KIF22: variants seen among roughly 807,000 people sequenced by gnomAD.
The protein encoded by KIF22 is kinesin family member 22.
KIF22 carries 62 observed loss-of-function variants against 73.0 expected under a neutral mutation model. That is an observed-to-expected ratio of 0.85 (90% confidence interval 0.69 to 1.05). KIF22 has a LOEUF of 1.05. KIF22 is among the 50% of genes least tolerant of loss of function. The pLI is 0.00. For missense variants in KIF22, 854 were observed against 870.1 expected, an observed-to-expected ratio of 0.98 and a Z score of 0.23; for synonymous variants, 411 against 340.1, an observed-to-expected ratio of 1.21 and a Z score of -2.29.
chr16:29,805,253 T>C lies in KIF22; in HGVS notation c.1951-10T>C, dbSNP rs1429400372. 1.9e-6 allele frequency: 3 copies of C among 1,595,312 alleles called. No homozygotes were observed. The highest frequency in any genetic ancestry group is 2.5e-6 in the Non-Finnish European group (3 of 1,179,816). The stretch of plus-strand genomic sequence containing the variant: ...CTAACGTCGCTGTCTCCCTCCCTCC[T>C]GTGTTGCAGGCAAACATCCTGGGTC... On this transcript the variant is annotated splice_polypyrimidine_tract_variant and intron_variant, in intron 13 of 13. Transcript: ENST00000160827.
chr16:29,801,312 T>G (rs1026702901), intron 8 of KIF22, among the ~76,000 whole-genome samples: 1 of 152,152 alleles, frequency 6.6e-6, no homozygotes, highest in Non-Finnish European at 1.5e-5. Context: ...CAGGAGCCAG[T>G]TGCAGTTTTA....
At chr16:29,796,359 T>C (rs1219326178) in intron 1 of KIF22, among the ~76,000 whole-genome samples, 1 of 151,398 alleles carries the variant, frequency 6.6e-6, no homozygotes, top group Non-Finnish European at 1.5e-5. Context: ...TGTCAACCCT[T>C]TTAATCCTTA....
chr16:29,802,674 G>GAT (rs1899182263), intron 8 of KIF22, 95 bp from the exon 9 acceptor site: 1 of 1,195,372 alleles, frequency 8.4e-7, no homozygotes, highest in Admixed American at 2.8e-5. Context: ...GGAGCTACAG[G>GAT]ATATACCAAG....
intron 8 of KIF22, among the ~76,000 whole-genome samples, chr16:29,800,763 C>T (rs1899110266): frequency 6.6e-6 from 1 of 152,188 alleles, no homozygotes; most frequent in Non-Finnish European, 1.5e-5. Context: ...AAGACTGCAT[C>T]TCAATAAATA....
Position 29,790,805 on chromosome 16 carries a change from G to GA in KIF22, c.46_47insA (p.Ala16AspfsTer47). The GA allele has an allele frequency of 6.2e-7, 1 of 1,604,638 alleles. No homozygotes were observed. The highest frequency in any genetic ancestry group is 8.5e-7 in the Non-Finnish European group (1 of 1,175,752). ...GCAGCAGAGGCGACGCGAGATGGCG[G>GA]CAGCTTCAGCGGCGGCGATCTCAGG... On this transcript the variant is annotated frameshift_variant, in exon 1 of 14. Transcript: ENST00000160827. LOFTEE classifies it high-confidence loss of function.
chr16:29,799,827 T>G, intron 7 of KIF22, 46 bp downstream of exon 7: 1 of 1,612,978 alleles, frequency 6.2e-7, no homozygotes, highest in Non-Finnish European at 8.5e-7. Context: ...GTCTGGAAAT[T>G]AGGGAGTTTG....
At position 29,802,956 on chromosome 16, in the gene KIF22, T is replaced by C. The variant is rs764188334; in HGVS notation, c.1449+19T>C. 2.0e-5 allele frequency: 32 copies of C among 1,608,954 alleles called. 1 individual carries two copies. Among genetic ancestry groups the C allele is most frequent in the Non-Finnish European group, 2.6e-5 (31 of 1,177,164 alleles). On this transcript the variant is annotated intron_variant, in intron 9 of 13. Coordinates refer to ENST00000160827, the MANE Select transcript of KIF22 (RefSeq NM_007317.3). ...GATTGAGGTACGTGTTTTAGGGATG[T>C]GGGAGCTGGATTCCTATTGGCCTTG...
chr16:29,802,438 G>C lies in KIF22; in HGVS notation c.1281-331G>C, dbSNP rs141714487. The stretch of plus-strand genomic sequence containing the variant: ...GATGGCATCCTCTGTGATGTTTTCC[G>C]CAACTGCTCCTCCAAATGGATAGGC... On this transcript the variant is annotated intron_variant, in intron 8 of 13. Transcript: ENST00000160827. 1.7e-3 allele frequency among the ~76,000 whole-genome samples: 262 copies of C among 152,144 alleles called. 1 individual carries two copies. Among genetic ancestry groups the C allele is most frequent in the African/African-American group, 6.1e-3 (252 of 41,488 alleles).
intron 8 of KIF22, among the ~76,000 whole-genome samples, chr16:29,800,502 C>T (rs1284282869): frequency 1.3e-5 from 2 of 151,364 alleles, no homozygotes; most frequent in African/African-American, 2.4e-5. Flanking sequence ...CGGTGGCTCA[C>T]GCCTGTAATC....
chr16:29,797,175 G>C lies in KIF22; in HGVS notation c.266+87G>C. ...GTTCCCCTGCCTCCCCAGGATCCTT[G>C]CTCCCTCCTTAGCACCGCTTTGTTC... On this transcript the variant is annotated intron_variant, in intron 2 of 13. Coordinates refer to ENST00000160827, the MANE Select transcript of KIF22 (RefSeq NM_007317.3). The surrounding 1 kb of genome is among the most constrained non-coding windows in gnomAD (Gnocchi z 4.1). 3.0e-6 allele frequency: 3 copies of C among 1,003,356 alleles called. 1 individual carries two copies. The highest frequency in any genetic ancestry group is 3.2e-5 in the South Asian group (2 of 62,798). The allele number at this position is 1,003,356 out of a possible 1,614,324, so 62.2% of individuals were successfully genotyped here. A position where few individuals can be genotyped will look rare whatever the true frequency, so the allele number is the denominator to read the frequency against.
Position 29,805,041 on chromosome 16 carries a change from G to A in KIF22, c.1890+15G>A, listed in dbSNP as rs1365636972. 2 of 1,555,890 alleles carry A rather than the reference G, an allele frequency of 1.3e-6. No individual in the cohort carries two copies. Among genetic ancestry groups the A allele is most frequent in the Admixed American group, 3.3e-5 (2 of 59,828 alleles). The stretch of plus-strand genomic sequence containing the variant: ...CCTTCAGCCAGGTAGCAGCCCACTG[G>A]ACTGGGGGAGGGCGGGGGCGGGGGA... On this transcript the variant is annotated intron_variant, in intron 12 of 13. Coordinates refer to ENST00000160827, the MANE Select transcript of KIF22 (RefSeq NM_007317.3).
At position 29,804,343 on chromosome 16, in the gene KIF22, G is replaced by C. The variant is rs530882030; in HGVS notation, c.1677+278G>C. Reference sequence around the variant, plus strand: ...ACAAGCTTAAGAGGGAAAACTTAGGGAACTATGACCTAAGCAGTCAAGCAA... The same window carrying C: ...ACAAGCTTAAGAGGGAAAACTTAGGCAACTATGACCTAAGCAGTCAAGCAA... On this transcript the variant is annotated intron_variant, in intron 11 of 13. Coordinates refer to ENST00000160827, the MANE Select transcript of KIF22 (RefSeq NM_007317.3). The C allele has an allele frequency of 1.0e-5, 6 of 601,316 alleles. No individual in the cohort carries two copies. The East Asian group carries it at 1.6e-4, about 17-fold the overall frequency. 37.2% of individuals were successfully genotyped at this position (601,316 alleles called of 1,614,324 possible).
Position 29,802,875 on chromosome 16 carries a change from AC to A in KIF22, c.1391del (p.Pro464GlnfsTer8). ...QGSQGAPLLS[T>X]PKRERMVLMK... ...GAGCCAGGGGGCCCCTCTGTTGAGTACCCCAAAGCGAGAGCGGATGGTGCTA... is the reference window on the plus strand; with the variant it reads ...GAGCCAGGGGGCCCCTCTGTTGAGTACCCAAAGCGAGAGCGGATGGTGCTA... On this transcript the variant is annotated frameshift_variant, in exon 9 of 14. Transcript: ENST00000160827. LOFTEE classifies it high-confidence loss of function. 1.9e-6 allele frequency: 3 copies of A among 1,612,024 alleles called. No individual in the cohort carries two copies. The highest frequency in any genetic ancestry group is 2.5e-6 in the Non-Finnish European group (3 of 1,179,282).
rs1238699070 is a variant in KIF22, at chr16:29,797,847, C to T, written c.267-527C>T. 2.0e-5 allele frequency among the ~76,000 whole-genome samples: 3 copies of T among 152,188 alleles called. No individual in the cohort carries two copies. The highest frequency in any genetic ancestry group is 4.4e-5 in the Non-Finnish European group (3 of 68,044). On this transcript the variant is annotated intron_variant, in intron 2 of 13. Transcript: ENST00000160827. This position sits in a 1 kb window ranked among gnomAD's most constrained non-coding sequence, Gnocchi z 4.1. ...CCTAAGCTGCACTTCTCCACCAGAA[C>T]GCAGTGGATAGGTGATTGGTATGTA... is the stretch of plus-strand genomic sequence containing the variant.
chr16:29,804,496 C>T (rs1183465522), intron 11 of KIF22: 2 of 651,338 alleles, frequency 3.1e-6, no homozygotes, highest in East Asian at 3.0e-5. Context: ...ACAGCTTATT[C>T]TTTCCCTTTT....
At chr16:29,805,070 C>T in intron 12 of KIF22, 44 bp downstream of exon 12, 1 of 1,610,230 alleles carries the variant, frequency 6.2e-7, no homozygotes, top group Non-Finnish European at 8.5e-7. Context: ...CGGGGGAGAC[C>T]GGGTACCCCC....
chr16:29,802,644 G>GC, intron 8 of KIF22, 125 bp from the exon 9 acceptor site: 1 of 886,598 alleles, frequency 1.1e-6, no homozygotes, highest in South Asian at 2.1e-5. Flanking sequence ...TGGATGCCTA[G>GC]CAAGTTAACA....
intron 8 of KIF22, among the ~76,000 whole-genome samples, chr16:29,801,642 C>T (rs1053214402): frequency 1.3e-5 from 2 of 152,174 alleles, no homozygotes; most frequent in Non-Finnish European, 2.9e-5. Flanking sequence ...GGGGGCCTCA[C>T]AGGAGAGCAA....
chr16:29,803,999 TC>T lies in KIF22; in HGVS notation c.1612del (p.Gln538ArgfsTer14). 6.2e-7 allele frequency: 1 copy of T among 1,613,302 alleles called. No homozygotes were observed. The highest frequency in any genetic ancestry group is 8.5e-7 in the Non-Finnish European group (1 of 1,179,354). Reference protein sequence around the residue: ...KAVVMPLQLIQEQAASPNAEI... With the variant: ...KAVVMPLQLIXEQAASPNAEI... ...CCAATTCTCGATTCCTACTTTCAGTTCAGGAGCAGGCAGCATCCCCAAATGC... is the reference window on the plus strand; with the variant it reads ...CCAATTCTCGATTCCTACTTTCAGTTAGGAGCAGGCAGCATCCCCAAATGC... On this transcript the variant is annotated frameshift_variant and splice_region_variant, in exon 11 of 14. Transcript: ENST00000160827. LOFTEE classifies it high-confidence loss of function.
Sources: allele counts gnomAD v4.1 joint callset (sites outside exome capture counted in the v4.1 genomes callset), GRCh38; gene constraint gnomAD v4.1.1; non-coding constraint Gnocchi (gnomAD v3.1); transcripts MANE v1.5; gene names NCBI Gene and HGNC (gene_info 2026-07-23, HGNC 2026-07-21).